CAMK2B: variants seen among roughly 807,000 people sequenced by gnomAD.
The protein encoded by CAMK2B is calcium/calmodulin-dependent protein kinase type II subunit beta.
In CAMK2B, 27 loss-of-function variants were observed where a neutral mutation model predicts 93.7. The observed-to-expected ratio is 0.29, with a 90% CI of 0.21 to 0.40. CAMK2B has a LOEUF of 0.40. CAMK2B is among the 10% of genes least tolerant of loss of function. The probability of loss-of-function intolerance (pLI) is 1.00; values close to 1 mark genes in which losing one functional copy is unlikely to be tolerated. For missense variants in CAMK2B, 568 were observed against 895.8 expected (o/e 0.63, Z 4.67); for synonymous variants, 374 against 358.8 (o/e 1.04, Z -0.48).
chr7:44,293,529 G>A (rs538250006), intron 1 of CAMK2B, among the ~76,000 whole-genome samples: 6 of 152,298 alleles, frequency 3.9e-5, no homozygotes, highest in African/African-American at 7.2e-5. Context: ...TTTGGCACCA[G>A]GGACTGGTTT....
intron 22 of CAMK2B, 63 bp from the exon 23 acceptor site, chr7:44,220,357 AC>A: frequency 1.6e-6 from 2 of 1,280,420 alleles, no homozygotes; most frequent in Non-Finnish European, 2.2e-6. Context: ...CCCGTCTTCC[AC>A]CCCACCAGCC....
intron 22 of CAMK2B, 68 bp from the exon 23 acceptor site, chr7:44,220,362 AC>A: frequency 8.0e-7 from 1 of 1,248,074 alleles, no homozygotes; most frequent in Non-Finnish European, 1.2e-6. Context: ...CTTCCACCCC[AC>A]CAGCCTAATC....
intron 11 of CAMK2B, among the ~76,000 whole-genome samples, chr7:44,241,498 C>T (rs560974343): frequency 6.6e-5 from 10 of 152,352 alleles, no homozygotes; most frequent in Admixed American, 5.9e-4. Context: ...GGAGGAGCCA[C>T]ACCTGGCCCA....
chr7:44,245,355 C>G (rs760167107), intron 6 of CAMK2B, among the ~76,000 whole-genome samples: 11 of 152,222 alleles, frequency 7.2e-5, no homozygotes, highest in Non-Finnish European at 1.5e-4. Context: ...GCTTCCTGGG[C>G]TGTCACGATC....
Position 44,220,616 on chromosome 7 carries a change from G to A in CAMK2B, c.1768C>T (p.Leu590=), listed in dbSNP as rs375778783. 11 of 1,612,362 alleles carry A rather than the reference G, an allele frequency of 6.8e-6. No homozygotes were observed. The highest frequency in any genetic ancestry group is 5.3e-5 in the African/African-American group (4 of 74,910). The change falls in exon 22 of 24, where the codon CTG becomes TTG. Residue 590 remains leucine (L), a splice_region_variant and synonymous_variant. Coordinates refer to ENST00000395749, the MANE Select transcript of CAMK2B (RefSeq NM_001220.5). ...MDFHRFYFEN[L]LAKNSKPIHT... ...TGCCCACCCGGGCTTCCTCACTCAC[G>A]GTTCTCGAAGTAGAATCTGTGGAAG...
chr7:44,234,473 G>A lies in CAMK2B; in HGVS notation c.1060-12C>T. The A allele has an allele frequency of 2.5e-6, 4 of 1,574,436 alleles. No individual in the cohort carries two copies. The highest frequency in any genetic ancestry group is 3.4e-6 in the Non-Finnish European group (4 of 1,161,864). ...CTATTCGTCTGGGGCTGTGGAGAGA[G>A]GGAAGAGGAACTCTTAGGTGGGAGA... On this transcript the variant is annotated splice_polypyrimidine_tract_variant and intron_variant, in intron 14 of 23. Coordinates refer to ENST00000395749, the MANE Select transcript of CAMK2B (RefSeq NM_001220.5).
chr7:44,263,584 C>G (rs975304347), intron 2 of CAMK2B, among the ~76,000 whole-genome samples: 2 of 151,884 alleles, frequency 1.3e-5, no homozygotes, highest in African/African-American at 4.8e-5. Flanking sequence ...GCCCCTCCTG[C>G]CCTGGCCGCT....
intron 1 of CAMK2B, among the ~76,000 whole-genome samples, chr7:44,293,743 G>A (rs1787506658): frequency 1.3e-5 from 2 of 152,304 alleles, no homozygotes; most frequent in South Asian, 4.2e-4. Flanking sequence ...ACAGGAGGCG[G>A]AGCTCAGGCT....
intron 6 of CAMK2B, 24 bp from the exon 7 acceptor site, chr7:44,243,551 G>C (rs1260568397): frequency 6.3e-7 from 1 of 1,596,736 alleles, no homozygotes; most frequent in Non-Finnish European, 8.6e-7. Flanking sequence ...ACCGGCACAA[G>C]GGTGCATGTT....
intron 3 of CAMK2B, 91 bp downstream of exon 3, chr7:44,262,914 T>A (rs1484379867): frequency 3.6e-6 from 4 of 1,118,604 alleles, no homozygotes; most frequent in Non-Finnish European, 5.2e-6. Flanking sequence ...TCTTTCTGCA[T>A]CTCTTTGAAA....
intron 2 of CAMK2B, among the ~76,000 whole-genome samples, chr7:44,279,384 C>A (rs1042679132): frequency 2.0e-5 from 3 of 152,190 alleles, no homozygotes; most frequent in African/African-American, 4.8e-5. Flanking sequence ...CAGCCCTGGG[C>A]GGAGGGCCTG....
At position 44,323,225 on chromosome 7, in the gene CAMK2B, G is replaced by A. The variant is rs185044545; in HGVS notation, c.65+2132C>T. ...GGGCTCCACAAAGGTGCACTAGGCT[G>A]AGCTGCCTGCTCCTGGCTTGGGCAT... On this transcript the variant is annotated intron_variant, in intron 1 of 23. Coordinates refer to ENST00000395749, the MANE Select transcript of CAMK2B (RefSeq NM_001220.5). 3.9e-5 allele frequency among the ~76,000 whole-genome samples: 6 copies of A among 152,390 alleles called. No individual in the cohort carries two copies. In the East Asian group the frequency reaches 1.2e-3, roughly 29 times the overall value.
intron 15 of CAMK2B, 108 bp from the exon 16 acceptor site, chr7:44,232,974 C>A (rs1235216940): frequency 2.0e-6 from 2 of 985,106 alleles, no homozygotes; most frequent in South Asian, 2.7e-5. Flanking sequence ...TGTGGGTGGC[C>A]AGAGCCTGCG....
chr7:44,267,335 C>T (rs2096929381), intron 2 of CAMK2B, among the ~76,000 whole-genome samples: 1 of 152,214 alleles, frequency 6.6e-6, no homozygotes, highest in Non-Finnish European at 1.5e-5. Flanking sequence ...CTCTCAGGCC[C>T]TGATTCTGCC....
At chr7:44,299,017 A>C (rs1789129182) in intron 1 of CAMK2B, among the ~76,000 whole-genome samples, 2 of 152,228 alleles carry the variant, frequency 1.3e-5, no homozygotes, top group African/African-American at 4.8e-5. Context: ...TAGAATTACC[A>C]TATGATCCAG....
At chr7:44,306,264 G>A (rs1282730001) in intron 1 of CAMK2B, among the ~76,000 whole-genome samples, 6 of 152,080 alleles carry the variant, frequency 3.9e-5, no homozygotes, top group African/African-American at 7.2e-5. Context: ...GTGCAGCCTC[G>A]GTGGGAAGTT....
At position 44,219,365 on chromosome 7, in the gene CAMK2B, G is replaced by C. The variant is rs13229610; in HGVS notation, c.*160C>G. Reference sequence around the variant, plus strand: ...TCTTGTTTTTTTTTTTTTTTTTTTTGTTTTTTTTTAACAAATCACATCTGG... The same window carrying C: ...TCTTGTTTTTTTTTTTTTTTTTTTTCTTTTTTTTTAACAAATCACATCTGG... On this transcript the variant is annotated 3_prime_UTR_variant, in exon 24 of 24. Transcript: ENST00000395749. 1 of 42,114 alleles carries C rather than the reference G, an allele frequency of 2.4e-5. No homozygotes were observed. The highest frequency in any genetic ancestry group is 8.8e-4 in the East Asian group (1 of 1,132). The allele number at this position is 42,114 out of a possible 1,614,324, so 2.6% of individuals were successfully genotyped here.
intron 16 of CAMK2B, among the ~76,000 whole-genome samples, chr7:44,231,879 G>A (rs1372266405): frequency 6.6e-6 from 1 of 152,226 alleles, no homozygotes; most frequent in Non-Finnish European, 1.5e-5. Flanking sequence ...CTGGGGGACC[G>A]CCCCCTGGTC....
intron 2 of CAMK2B, among the ~76,000 whole-genome samples, chr7:44,282,572 G>A (rs1035685492): frequency 1.3e-5 from 2 of 152,218 alleles, no homozygotes; most frequent in African/African-American, 4.8e-5. Context: ...GCTCAGTGAC[G>A]AGGAGGCAGA....
Sources: gnomAD v4.1 joint callset for allele counts (sites outside exome capture counted in the v4.1 genomes callset) on GRCh38, gnomAD v4.1.1 for gene constraint, MANE v1.5 for transcripts, NCBI Gene and HGNC (gene_info 2026-07-23, HGNC 2026-07-21) for gene names.